DYNC1I1: variants seen among roughly 807,000 people sequenced by gnomAD.
The protein encoded by DYNC1I1 is dynein cytoplasmic 1 intermediate chain 1, also known as cytoplasmic dynein 1 intermediate chain 1.
In DYNC1I1, 43 loss-of-function variants were observed where a neutral mutation model predicts 86.6. The ratio of observed to expected loss-of-function variants is 0.50; its 90% CI spans 0.39 to 0.64. The LOEUF is 0.64. DYNC1I1 is among the 30% of genes least tolerant of loss of function. The probability of loss-of-function intolerance (pLI) is 0.00; values close to 1 mark genes in which losing one functional copy is unlikely to be tolerated. For synonymous variants in DYNC1I1, 262 were observed against 283.7 expected (o/e 0.92, Z 0.77); for missense variants, 604 against 788.8 (o/e 0.77, Z 2.81).
chr7:95,977,949 T>C (rs898879898), intron 7 of DYNC1I1, among the ~76,000 whole-genome samples: 3 of 152,228 alleles, frequency 2.0e-5, no homozygotes, highest in Admixed American at 6.6e-5. Flanking sequence ...GATATAATTA[T>C]TTTGTGAATA....
At chr7:95,795,943 A>G (rs1333218873) in intron 1 of DYNC1I1, among the ~76,000 whole-genome samples, 1 of 151,454 alleles carries the variant, frequency 6.6e-6, no homozygotes, top group African/African-American at 2.4e-5. Flanking sequence ...AACAAAGATG[A>G]TGGTTTGCAA....
intron 4 of DYNC1I1, among the ~76,000 whole-genome samples, chr7:95,823,807 A>G (rs549067558): frequency 1.3e-5 from 2 of 151,802 alleles, no homozygotes; most frequent in Non-Finnish European, 2.9e-5. Flanking sequence ...TAACAGTCTT[A>G]TAAGACCTAG....
intron 14 of DYNC1I1, among the ~76,000 whole-genome samples, chr7:96,063,823 A>G (rs2116184039): frequency 6.6e-6 from 1 of 152,304 alleles, no homozygotes; most frequent in Non-Finnish European, 1.5e-5. Context: ...CATTATCACA[A>G]TTGATCCTTG....
In DYNC1I1 at chr7:95,937,435, A is replaced by T. The variant is rs374818730; in HGVS notation, c.491-40077A>T. 4.0e-4 allele frequency among the ~76,000 whole-genome samples: 61 copies of T among 152,186 alleles called. No individual in the cohort carries two copies. In the East Asian group the frequency reaches 9.6e-3, roughly 24 times the overall value. On this transcript the variant is annotated intron_variant, in intron 6 of 16. Transcript: ENST00000447467. ...ATCAAAATGTCACATTGTATACCTC[A>T]AATATGTACAATTTTTATTTAAAAA...
intron 6 of DYNC1I1, among the ~76,000 whole-genome samples, chr7:95,939,686 T>G (rs1792147723): frequency 6.6e-6 from 1 of 151,836 alleles, no homozygotes; most frequent in Non-Finnish European, 1.5e-5. Context: ...TGAGCCTATG[T>G]GTGTCTCTGC....
intron 11 of DYNC1I1, among the ~76,000 whole-genome samples, chr7:96,031,147 C>T (rs902701159): frequency 6.6e-6 from 1 of 152,088 alleles, no homozygotes; most frequent in African/African-American, 2.4e-5. Context: ...TTCAATGCTA[C>T]CCAGGTTTCT....
rs1791061402 is a variant in DYNC1I1 at position 96,097,777 on chromosome 7, A to G, written c.*184A>G. On this transcript the variant is annotated 3_prime_UTR_variant, in exon 17 of 17. Transcript: ENST00000447467. ...TCCCATCATGCTTTCCACTGACCCA[A>G]AATTCACCACAGCATTTCTATCTTT... 1 of 1,307,704 alleles carries G rather than the reference A, an allele frequency of 7.6e-7. No homozygotes were observed. Among genetic ancestry groups the G allele is most frequent in the African/African-American group, 1.5e-5 (1 of 67,356 alleles). 81.0% of individuals were successfully genotyped at this position (1,307,704 alleles called of 1,614,324 possible).
At position 96,029,909 on chromosome 7, in the gene DYNC1I1, T is replaced by TA. The variant is rs552008387; in HGVS notation, c.1116+1601dup. Among the ~76,000 whole-genome samples, 1,239 of 134,714 alleles carry TA rather than the reference T, an allele frequency of 9.2e-3. 22 individuals carry two copies. Among genetic ancestry groups the TA allele is most frequent in the African/African-American group, 0.028 (1,026 of 36,648 alleles). The allele number at this position is 134,714 out of a possible 152,430, so 88.4% of individuals were successfully genotyped here. On this transcript the variant is annotated intron_variant, in intron 11 of 16. Transcript: ENST00000447467. ...CTGGGCAACAGAGGGAGACTTCCTC[T>TA]AAAAAAAAAAAAAGAAAGAAAAAGA... is the stretch of plus-strand genomic sequence containing the variant.
At chr7:96,016,894 C>T (rs958337697) in intron 10 of DYNC1I1, among the ~76,000 whole-genome samples, 7 of 152,174 alleles carry the variant, frequency 4.6e-5, no homozygotes, top group African/African-American at 1.7e-4. Context: ...ACAGCAGTCT[C>T]AGCTCTGAAT....
intron 14 of DYNC1I1, 144 bp downstream of exon 14, chr7:96,039,565 C>A: frequency 1.1e-6 from 1 of 905,610 alleles, no homozygotes; most frequent in Non-Finnish European, 1.7e-6. Flanking sequence ...CTCAGTCTAC[C>A]TCAGAGCTAG....
At chr7:96,108,012 C>A (rs577130741) in intron 16 of DYNC1I1, among the ~76,000 whole-genome samples, 5 of 151,498 alleles carry the variant, frequency 3.3e-5, no homozygotes, top group African/African-American at 1.2e-4. Flanking sequence ...GCTGCCTTTT[C>A]CCCAATCTTT....
chr7:95,858,510 A>G (rs975129886), intron 5 of DYNC1I1, among the ~76,000 whole-genome samples: 1 of 152,206 alleles, frequency 6.6e-6, no homozygotes, highest in Non-Finnish European at 1.5e-5. Flanking sequence ...GTCATTTATT[A>G]TCATTATCAA....
At chr7:95,834,664 A>G (rs1206572763) in intron 5 of DYNC1I1, among the ~76,000 whole-genome samples, 2 of 135,778 alleles carry the variant, frequency 1.5e-5, no homozygotes, top group Non-Finnish European at 3.1e-5. Context: ...TTATTGGTCT[A>G]TTCAGAGATT....
intron 10 of DYNC1I1, among the ~76,000 whole-genome samples, chr7:96,009,907 G>A (rs1794232901): frequency 6.6e-6 from 1 of 151,704 alleles, no homozygotes; most frequent in Non-Finnish European, 1.5e-5. Context: ...AGCCTCCCAA[G>A]TAGCTGGAAT....
intron 7 of DYNC1I1, among the ~76,000 whole-genome samples, chr7:95,983,433 C>T (rs1417939184): frequency 6.6e-6 from 1 of 152,134 alleles, no homozygotes; most frequent in Non-Finnish European, 1.5e-5. Context: ...TGTGAACCAA[C>T]TACATCAGGA....
intron 16 of DYNC1I1, among the ~76,000 whole-genome samples, chr7:96,088,400 C>T (rs1422061601): frequency 1.3e-5 from 2 of 152,052 alleles, no homozygotes; most frequent in Admixed American, 1.3e-4. Flanking sequence ...GAAAGAAGAA[C>T]CAGTTTGTAT....
chr7:95,815,052 G>A (rs1257270807), intron 4 of DYNC1I1, among the ~76,000 whole-genome samples: 1 of 152,024 alleles, frequency 6.6e-6, no homozygotes, highest in Non-Finnish European at 1.5e-5. Context: ...ATGATGGTGC[G>A]TGTCATTACT....
At chr7:95,944,636 A>G (rs1792342441) in intron 6 of DYNC1I1, among the ~76,000 whole-genome samples, 1 of 152,170 alleles carries the variant, frequency 6.6e-6, no homozygotes, top group Non-Finnish European at 1.5e-5. Context: ...AATGTCCAAC[A>G]ATGATAGACT....
chr7:95,918,389 T>C (rs1221447711), intron 6 of DYNC1I1, among the ~76,000 whole-genome samples: 1 of 152,162 alleles, frequency 6.6e-6, no homozygotes, highest in Non-Finnish European at 1.5e-5. Context: ...AGCCATTTCC[T>C]TTCTCTTGTT....
Sources: gnomAD v4.1 joint callset for allele counts (sites outside exome capture counted in the v4.1 genomes callset) on GRCh38, gnomAD v4.1.1 for gene constraint, MANE v1.5 for transcripts, NCBI Gene and HGNC (gene_info 2026-07-23, HGNC 2026-07-21) for gene names.